ABAT: variants seen among roughly 807,000 people sequenced by gnomAD.
The protein encoded by ABAT is 4-aminobutyrate aminotransferase.
A neutral mutation model predicts 64.6 loss-of-function variants in ABAT; 45 were observed. The observed-to-expected ratio is 0.70, with a 90% CI of 0.55 to 0.89. ABAT has a LOEUF of 0.89. ABAT is among the 40% of genes least tolerant of loss of function. The pLI, the probability that ABAT is intolerant of heterozygous loss-of-function variation, is 0.00. For missense variants in ABAT, 633 were observed against 658.4 expected (o/e 0.96, Z 0.42); for synonymous variants, 297 against 250.5 (o/e 1.19, Z -1.75).
intron 1 of ABAT, among the ~76,000 whole-genome samples, chr16:8,727,707 A>T (rs2142271565): frequency 6.6e-6 from 1 of 152,310 alleles, no homozygotes; most frequent in Admixed American, 6.5e-5. Flanking sequence ...TTCCGCTCAT[A>T]GTTCTCTGCC....
At chr16:8,768,630 T>G (rs982814703) in intron 10 of ABAT, among the ~76,000 whole-genome samples, 195 bp from the exon 11 acceptor site, 2 of 152,124 alleles carry the variant, frequency 1.3e-5, no homozygotes, top group Non-Finnish European at 2.9e-5. Context: ...TCTCATGTAC[T>G]CCCCAAGTAT....
In ABAT at chr16:8,768,982, C is replaced by T. The variant is rs528087894; in HGVS notation, c.816+9C>T. ...CCCGCTGTCTGGAAGAGGTAATGCT[C>T]ATACCCTGCGGATCCTCCCCAACCA... On this transcript the variant is annotated intron_variant, in intron 11 of 15. Transcript: ENST00000268251. 5.0e-6 allele frequency: 8 copies of T among 1,613,916 alleles called. 1 individual carries two copies. The South Asian group carries it at 8.8e-5, about 18-fold the overall frequency.
chr16:8,711,886 GAACA>G (rs1276950348), intron 1 of ABAT, among the ~76,000 whole-genome samples: 3 of 152,146 alleles, frequency 2.0e-5, no homozygotes, highest in East Asian at 3.9e-4. Context: ...ATGGATGAAT[GAACA>G]GACAGACAAA....
intron 1 of ABAT, chr16:8,683,138 G>A (rs1448309053): frequency 6.6e-6 from 1 of 152,208 alleles, no homozygotes. Context: ...TGGGAAACCA[G>A]AAGCCCAGAG....
At chr16:8,772,324 C>G (rs959329416) in intron 11 of ABAT, among the ~76,000 whole-genome samples, 10 of 151,048 alleles carry the variant, frequency 6.6e-5, no homozygotes, top group Non-Finnish European at 1.0e-4. Flanking sequence ...ACCTTTATTT[C>G]TCTCAATATA....
Position 8,774,958 on chromosome 16 carries a change from T to C in ABAT, c.1023T>C (p.His341=). 6.2e-7 allele frequency: 1 copy of C among 1,614,178 alleles called. No homozygotes were observed. Among genetic ancestry groups the C allele is most frequent in the Non-Finnish European group, 8.5e-7 (1 of 1,180,022 alleles). Residue 341 remains histidine (H), a synonymous_variant, in exon 13 of 16, where the codon CAT becomes CAC. Transcript: ENST00000268251. ...GGGCTGKFWA[H]EHWGLDDPAD... is the part of the protein sequence containing the mutation. ...GCTGCACGGGCAAGTTCTGGGCCCA[T>C]GAGCACTGGGGCCTGGATGACCCAG...
At chr16:8,773,431 C>T (rs1448740377) in intron 12 of ABAT, among the ~76,000 whole-genome samples, 2 of 151,922 alleles carry the variant, frequency 1.3e-5, no homozygotes, top group African/African-American at 4.8e-5. Context: ...GGATTACAGG[C>T]CTGAGCCACC....
intron 1 of ABAT, among the ~76,000 whole-genome samples, chr16:8,700,499 G>A (rs2057798223): frequency 6.6e-6 from 1 of 152,158 alleles, no homozygotes; most frequent in Non-Finnish European, 1.5e-5. Context: ...CTTCACCATA[G>A]ATTAGCTGAG....
At chr16:8,725,320 C>A (rs1293136648) in intron 1 of ABAT, among the ~76,000 whole-genome samples, 1 of 152,174 alleles carries the variant, frequency 6.6e-6, no homozygotes. Context: ...CTATCTAATT[C>A]CAGATTTTTT....
At chr16:8,753,307 G>C (rs1019219140) in intron 5 of ABAT, among the ~76,000 whole-genome samples, 3 of 152,082 alleles carry the variant, frequency 2.0e-5, no homozygotes, top group African/African-American at 7.2e-5. Flanking sequence ...GTGTTAGCCA[G>C]GATGGTCTCG....
Position 8,776,639 on chromosome 16 carries a change from C to CAGAGG in ABAT, c.1269+150_1269+151insGAGGA. Reference sequence around the variant, plus strand: ...GCTGCTCCTAGCCTTGGGGGCTTTGCACATGCTGTGTCCTCTGCAGGGGAT... The same window carrying CAGAGG: ...GCTGCTCCTAGCCTTGGGGGCTTTGCAGAGGACATGCTGTGTCCTCTGCAGGGGAT... On this transcript the variant is annotated intron_variant, in intron 14 of 15. Coordinates refer to ENST00000268251, the MANE Select transcript of ABAT (RefSeq NM_020686.6). The surrounding 1 kb of genome is among the most constrained non-coding windows in gnomAD (Gnocchi z 4.4). 6 of 850,046 alleles carry CAGAGG rather than the reference C, an allele frequency of 7.1e-6. No homozygotes were observed. Among genetic ancestry groups the CAGAGG allele is most frequent in the Non-Finnish European group, 1.1e-5 (6 of 531,830 alleles). The allele number at this position is 850,046 out of a possible 1,614,324, so 52.7% of individuals were successfully genotyped here. A position where few individuals can be genotyped will look rare whatever the true frequency, so the allele number is the denominator to read the frequency against.
intron 1 of ABAT, among the ~76,000 whole-genome samples, chr16:8,688,954 C>A (rs1272055667): frequency 6.6e-6 from 1 of 152,096 alleles, no homozygotes; most frequent in African/African-American, 2.4e-5. Context: ...GTGGCAGGTG[C>A]CTTTAGTCCC....
chr16:8,748,202 T>C, intron 4 of ABAT, 65 bp downstream of exon 4: 2 of 1,449,190 alleles, frequency 1.4e-6, no homozygotes, highest in African/African-American at 1.4e-5. Flanking sequence ...AAAAGACAGA[T>C]GCTTAATCTG....
At chr16:8,718,331 A>G (rs949751600) in intron 1 of ABAT, among the ~76,000 whole-genome samples, 3 of 152,202 alleles carry the variant, frequency 2.0e-5, no homozygotes, top group Admixed American at 1.3e-4. Context: ...ATAAAATACA[A>G]TACATAAGCA....
intron 1 of ABAT, among the ~76,000 whole-genome samples, chr16:8,692,837 C>G (rs1457463386): frequency 6.6e-6 from 1 of 152,188 alleles, no homozygotes. Flanking sequence ...TTGGCTCAGA[C>G]CTTTGAAGGA....
intron 1 of ABAT, among the ~76,000 whole-genome samples, chr16:8,679,003 G>A (rs1478902461): frequency 6.6e-6 from 1 of 152,022 alleles, no homozygotes; most frequent in Admixed American, 6.6e-5. Context: ...ATAAATCTCC[G>A]CCAGCTTCCC....
intron 9 of ABAT, 48 bp from the exon 10 acceptor site, chr16:8,768,145 C>G: frequency 6.5e-7 from 1 of 1,545,932 alleles, no homozygotes; most frequent in Non-Finnish European, 8.9e-7. Flanking sequence ...CAATACAGTT[C>G]CCCCATCCTT....
chr16:8,774,753 A>G, intron 12 of ABAT, 137 bp from the exon 13 acceptor site: 1 of 1,003,164 alleles, frequency 1.0e-6, no homozygotes, highest in Non-Finnish European at 1.5e-6. Flanking sequence ...GCTCAAGAAC[A>G]TGGGGCTGGT....
intron 1 of ABAT, among the ~76,000 whole-genome samples, chr16:8,695,344 G>C (rs372963106): frequency 4.6e-5 from 7 of 152,198 alleles, no homozygotes; most frequent in African/African-American, 9.7e-5. Context: ...AGAGGCCAGC[G>C]CCTTGCTGTA....
Sources: gnomAD v4.1 joint callset for allele counts (sites outside exome capture counted in the v4.1 genomes callset) on GRCh38, gnomAD v4.1.1 for gene constraint, Gnocchi (gnomAD v3.1) non-coding constraint, MANE v1.5 for transcripts, NCBI Gene and HGNC (gene_info 2026-07-23, HGNC 2026-07-21) for gene names.